The following FHOD3 variants were observed in gnomAD, a reference collection of about 807,000 sequenced individuals.
FHOD3 encodes the protein formin homology 2 domain containing 3.
Under a neutral mutation model 173.0 loss-of-function variants are expected in FHOD3, and 90 were observed. That is an observed-to-expected ratio of 0.52 (90% CI 0.44 to 0.62). The LOEUF (loss-of-function observed/expected upper bound fraction) is 0.62. Among genes scored for constraint, FHOD3 ranks in the 20% least tolerant of loss-of-function variants. The pLI, the probability that FHOD3 is intolerant of heterozygous loss-of-function variation, is 0.00. For synonymous variants in FHOD3, 828 were observed against 823.0 expected, an observed-to-expected ratio of 1.01 and a Z score of -0.10; for missense variants, 1,945 against 2,034.7, an observed-to-expected ratio of 0.96 and a Z score of 0.85.
chr18:36,474,083 G>GT (rs1001993074), intron 3 of FHOD3, among the ~76,000 whole-genome samples: 1 of 152,192 alleles, frequency 6.6e-6, no homozygotes, highest in African/African-American at 2.4e-5. Context: ...ACCTTGAACA[G>GT]TTTAAGTTGG....
At chr18:36,414,065 T>C (rs2049497662) in intron 3 of FHOD3, among the ~76,000 whole-genome samples, 1 of 152,206 alleles carries the variant, frequency 6.6e-6, no homozygotes, top group Non-Finnish European at 1.5e-5. Flanking sequence ...AAAAGAGGAC[T>C]TGAGGTTTTA....
chr18:36,420,504 G>T (rs1205114545), intron 3 of FHOD3, among the ~76,000 whole-genome samples: 1 of 152,216 alleles, frequency 6.6e-6, no homozygotes, highest in Non-Finnish European at 1.5e-5. Context: ...GCCTCGGGAG[G>T]TGACTGTGAG....
chr18:36,333,278 A>G (rs544086440), intron 1 of FHOD3, among the ~76,000 whole-genome samples: 2 of 152,296 alleles, frequency 1.3e-5, no homozygotes, highest in Non-Finnish European at 2.9e-5. Context: ...CTCAGAGAGG[A>G]TGGCTGTCAG....
rs1432573561 is a variant in FHOD3 at position 36,709,723 on chromosome 18, C to T, written c.2533+332C>T. The T allele has an allele frequency of 1.0e-5, 3 of 288,082 alleles. No homozygotes were observed. The East Asian group carries it at 2.0e-4, about 19-fold the overall frequency. The allele number at this position is 288,082 out of a possible 1,614,324, so 17.8% of individuals were successfully genotyped here. A position where few individuals can be genotyped will look rare whatever the true frequency, so the allele number is the denominator to read the frequency against. On this transcript the variant is annotated intron_variant, in intron 18 of 28. Transcript: ENST00000590592. ...AACCTCTCACTTCCCCCTGACTGTT[C>T]CATTGTGAATAATAGTAAGGTTGAT...
chr18:36,565,391 A>T (rs2147764882), intron 5 of FHOD3, among the ~76,000 whole-genome samples: 1 of 152,112 alleles, frequency 6.6e-6, no homozygotes, highest in Non-Finnish European at 1.5e-5. Flanking sequence ...TGATTTAAAA[A>T]CTCACTGCAC....
intron 20 of FHOD3, among the ~76,000 whole-genome samples, chr18:36,734,752 C>A (rs2041550031): frequency 1.3e-5 from 2 of 152,156 alleles, no homozygotes; most frequent in East Asian, 1.9e-4. Context: ...AATGAGATTT[C>A]CGGCTTGCAC....
chr18:36,760,847 C>G, intron 27 of FHOD3, 65 bp downstream of exon 27: 1 of 1,485,328 alleles, frequency 6.7e-7, no homozygotes, highest in African/African-American at 1.4e-5. Context: ...GGGGTCCGGT[C>G]TCCATCGCAG....
chr18:36,674,240 T>C (rs1341851832), intron 14 of FHOD3, among the ~76,000 whole-genome samples: 1 of 152,220 alleles, frequency 6.6e-6, no homozygotes, highest in Admixed American at 6.5e-5. Context: ...ACCTGTGTTT[T>C]CTGTCACAGC....
At chr18:36,735,299 G>A (rs775926701) in intron 20 of FHOD3, among the ~76,000 whole-genome samples, 42 of 152,288 alleles carry the variant, frequency 2.8e-4, no homozygotes, top group African/African-American at 7.2e-4. Flanking sequence ...GCCCAGCTGC[G>A]CAGGTGCTGG....
intron 4 of FHOD3, among the ~76,000 whole-genome samples, chr18:36,510,735 T>C (rs2055586139): frequency 6.6e-6 from 1 of 152,268 alleles, no homozygotes; most frequent in African/African-American, 2.4e-5. Context: ...TTTTATTTCC[T>C]TTATACATAT....
In FHOD3 at chr18:36,652,738, A is replaced by G; in HGVS notation, c.1455A>G (p.Pro485=). 2.0e-6 allele frequency: 3 copies of G among 1,535,704 alleles called. No individual in the cohort carries two copies. Among genetic ancestry groups the G allele is most frequent in the South Asian group, 1.2e-5 (1 of 84,042 alleles). The change falls in exon 12 of 29, where the codon CCA becomes CCG. Residue 485 remains proline, a synonymous_variant. Transcript: ENST00000590592. ...HSGSSGSEAT[P]SALLSPPASA... ...GGTCCTCTGGGTCTGAGGCCACCCCATCTGCCCTCCTGTCACCCCCTGCCT... is the reference window on the plus strand; with the variant it reads ...GGTCCTCTGGGTCTGAGGCCACCCCGTCTGCCCTCCTGTCACCCCCTGCCT...
At position 36,740,728 on chromosome 18, in the gene FHOD3, A is replaced by G; in HGVS notation, c.3649A>G (p.Ile1217Val). 1 of 1,613,972 alleles carries G rather than the reference A, an allele frequency of 6.2e-7. No homozygotes were observed. Among genetic ancestry groups the G allele is most frequent in the Non-Finnish European group, 8.5e-7 (1 of 1,179,996 alleles). Reference protein sequence around the residue: ...IQEAQLANPEIPLGSAEQFLL... With the variant: ...IQEAQLANPEVPLGSAEQFLL... Reference sequence around the variant, plus strand: ...GGAAGCTCAGCTGGCCAACCCTGAAATCCCCCTGGGCAGTGCAGAGCAGTT... The same window carrying G: ...GGAAGCTCAGCTGGCCAACCCTGAAGTCCCCCTGGGCAGTGCAGAGCAGTT... The change falls in exon 21 of 29, where the codon ATC becomes GTC. Residue 1217 changes from isoleucine to valine, a missense_variant. Physicochemically the swap from Ile to Val is conservative, Grantham distance 29 (BLOSUM62 3). Around this residue, in one of 5 missense-constraint regions of FHOD3, gnomAD observed 231 missense variants for 321.9 expected, o/e 0.72. Coordinates refer to ENST00000590592, the MANE Select transcript of FHOD3 (RefSeq NM_001281740.3).
chr18:36,655,228 A>T (rs1195313561), intron 13 of FHOD3, among the ~76,000 whole-genome samples: 1 of 152,156 alleles, frequency 6.6e-6, no homozygotes, highest in African/African-American at 2.4e-5. Flanking sequence ...CCTTCCAAGA[A>T]CAATATCTAT....
At chr18:36,513,020 G>A (rs756031107) in intron 5 of FHOD3, among the ~76,000 whole-genome samples, 29 of 152,110 alleles carry the variant, frequency 1.9e-4, no homozygotes, top group Non-Finnish European at 3.7e-4. Flanking sequence ...AGTTTTGAGC[G>A]GGTCCGGGAT....
chr18:36,617,853 A>G lies in FHOD3; in HGVS notation c.957+5758A>G, dbSNP rs1162319580. Among the ~76,000 whole-genome samples the G allele has an allele frequency of 2.6e-5, 4 of 152,046 alleles. No homozygotes were observed. In the East Asian group the frequency reaches 7.7e-4, roughly 29 times the overall value. ...TGGTAACTATATTTTTTTCTATGGA[A>G]ACTGGTCTGTTTAAACTTCCTATTG... On this transcript the variant is annotated intron_variant, in intron 9 of 28. Coordinates refer to ENST00000590592, the MANE Select transcript of FHOD3 (RefSeq NM_001281740.3).
chr18:36,613,735 G>A (rs1466702449), intron 9 of FHOD3, among the ~76,000 whole-genome samples: 6 of 152,086 alleles, frequency 3.9e-5, no homozygotes, highest in South Asian at 4.1e-4. Flanking sequence ...GTGTGGTGGC[G>A]CGATCTCGGC....
At chr18:36,564,807 T>A (rs567371746) in intron 5 of FHOD3, among the ~76,000 whole-genome samples, 7 of 152,214 alleles carry the variant, frequency 4.6e-5, no homozygotes, top group African/African-American at 1.2e-4. Flanking sequence ...GGTCTGATTT[T>A]TTTAACAACT....
intron 3 of FHOD3, among the ~76,000 whole-genome samples, chr18:36,414,374 TC>T (rs1170612137): frequency 1.3e-5 from 2 of 152,244 alleles, no homozygotes; most frequent in African/African-American, 4.8e-5. Context: ...GTCCATCTCT[TC>T]CTATTACTTA....
chr18:36,728,911 G>A (rs1287521865), intron 19 of FHOD3, among the ~76,000 whole-genome samples: 1 of 152,224 alleles, frequency 6.6e-6, no homozygotes, highest in African/African-American at 2.4e-5. Flanking sequence ...CTGCTTGGCT[G>A]GGTCAGCAGG....
Sources: allele counts gnomAD v4.1 joint callset (sites outside exome capture counted in the v4.1 genomes callset), GRCh38; gene constraint gnomAD v4.1.1; regional missense constraint gnomAD v4.1.1; transcripts MANE v1.5; gene names NCBI Gene and HGNC (gene_info 2026-07-23, HGNC 2026-07-21).